AGK: variants seen among roughly 807,000 people sequenced by gnomAD.
AGK encodes the protein acylglycerol kinase, mitochondrial.
A neutral mutation model predicts 66.4 loss-of-function variants in AGK; 52 were observed. The observed-to-expected ratio is 0.78, with a 90% CI of 0.63 to 0.99. AGK has a LOEUF of 0.99. AGK is among the 50% of genes least tolerant of loss of function. The pLI is 0.00. For missense variants in AGK, 451 were observed against 506.6 expected (o/e 0.89, Z 1.05); for synonymous variants, 182 against 181.1 (o/e 1.00, Z -0.04).
intron 9 of AGK, among the ~76,000 whole-genome samples, chr7:141,632,727 T>C (rs1446289340): frequency 6.6e-6 from 1 of 152,270 alleles, no homozygotes; most frequent in Non-Finnish European, 1.5e-5. Flanking sequence ...TCCTTTTTTC[T>C]CTGCCATTTC....
At chr7:141,591,365 T>C (rs920963208) in intron 2 of AGK, among the ~76,000 whole-genome samples, 1 of 152,122 alleles carries the variant, frequency 6.6e-6, no homozygotes, top group African/African-American at 2.4e-5. Context: ...AGTGCTAAGA[T>C]TACAGGTGTG....
At chr7:141,571,384 G>A (rs1045677756) in intron 2 of AGK, among the ~76,000 whole-genome samples, 1 of 152,200 alleles carries the variant, frequency 6.6e-6, no homozygotes, top group Non-Finnish European at 1.5e-5. Context: ...GCCCCATCCA[G>A]AACCTACTGA....
chr7:141,586,507 G>A (rs1032397016), intron 2 of AGK, among the ~76,000 whole-genome samples: 1 of 152,178 alleles, frequency 6.6e-6, no homozygotes, highest in African/African-American at 2.4e-5. Flanking sequence ...CTATCTACGA[G>A]TGTGTGCTGT....
Position 141,614,950 on chromosome 7 carries a change from T to A in AGK, c.424-521T>A, listed in dbSNP as rs549786576. Among the ~76,000 whole-genome samples, 21 of 152,364 alleles carry A rather than the reference T, an allele frequency of 1.4e-4. 1 individual carries two copies. The South Asian group carries it at 4.4e-3, about 32-fold the overall frequency. ...ATTGTGCTCAGAATTGTTTTGAACCTTACAGTATCTATTGTATGTGTGGCA... is the reference window on the plus strand; with the variant it reads ...ATTGTGCTCAGAATTGTTTTGAACCATACAGTATCTATTGTATGTGTGGCA... On this transcript the variant is annotated intron_variant, in intron 7 of 15. Transcript: ENST00000649286.
chr7:141,562,631 G>A (rs1391041814), intron 2 of AGK, among the ~76,000 whole-genome samples: 1 of 152,196 alleles, frequency 6.6e-6, no homozygotes, highest in African/African-American at 2.4e-5. Context: ...CAGGGAAGTA[G>A]GGGATAACTG....
In AGK at chr7:141,613,562, T is replaced by C. The variant is rs1010794829; in HGVS notation, c.391-584T>C. ...TGAACCTGGGAAGCAGAGGTTGCAG[T>C]GAGCCGAGATCATGCCATCGCTCTC... On this transcript the variant is annotated intron_variant, in intron 6 of 15. Transcript: ENST00000649286. Among the ~76,000 whole-genome samples, 127 of 152,188 alleles carry C rather than the reference T, an allele frequency of 8.3e-4. 9 individuals are homozygous for C. The highest frequency in any genetic ancestry group is 1.8e-4 in the Non-Finnish European group (12 of 68,034).
chr7:141,555,188 A>C lies in AGK; in HGVS notation c.-14-265A>C, dbSNP rs1795182363. ...TGCAATGAAGAAATAGTGATCAGAG[A>C]GGGAAGAAGTATAGGTTAGGTGGAA... On this transcript the variant is annotated intron_variant, in intron 1 of 15. Transcript: ENST00000649286. This position sits in a 1 kb window ranked among gnomAD's most constrained non-coding sequence, Gnocchi z 4.2. 6.6e-6 allele frequency among the ~76,000 whole-genome samples: 1 copy of C among 152,090 alleles called. No individual in the cohort carries two copies. The highest frequency in any genetic ancestry group is 2.1e-4 in the South Asian group (1 of 4,832).
At chr7:141,568,524 T>A (rs1795515471) in intron 2 of AGK, among the ~76,000 whole-genome samples, 1 of 152,010 alleles carries the variant, frequency 6.6e-6, no homozygotes, top group Non-Finnish European at 1.5e-5. Flanking sequence ...TGACACCAGT[T>A]CTGCTACCCA....
intron 5 of AGK, among the ~76,000 whole-genome samples, chr7:141,603,560 G>A (rs891861711): frequency 1.3e-5 from 2 of 152,074 alleles, no homozygotes; most frequent in South Asian, 4.1e-4. Flanking sequence ...CATGAAAGCA[G>A]GATATTGTAA....
chr7:141,578,663 T>C (rs934409852), intron 2 of AGK, among the ~76,000 whole-genome samples: 1 of 151,714 alleles, frequency 6.6e-6, no homozygotes, highest in African/African-American at 2.4e-5. Context: ...GATTTTGTAG[T>C]AAGGGGTGAC....
At chr7:141,603,902 C>A (rs1453786024) in intron 5 of AGK, among the ~76,000 whole-genome samples, 1 of 152,086 alleles carries the variant, frequency 6.6e-6, no homozygotes, top group Admixed American at 6.6e-5. Context: ...AATAAGAATA[C>A]TTTTATATTT....
intron 13 of AGK, among the ~76,000 whole-genome samples, chr7:141,647,439 T>A (rs1345862105): frequency 1.2e-4 from 18 of 152,174 alleles, no homozygotes; most frequent in Non-Finnish European, 1.5e-5. Context: ...TCCTTGCTGT[T>A]CCCTGCTGTC....
rs531878541 is a variant in AGK, at chr7:141,553,718, T to C, written c.-14-1735T>C. 2.7e-4 allele frequency among the ~76,000 whole-genome samples: 41 copies of C among 152,306 alleles called. No homozygotes were observed. In the East Asian group the frequency reaches 6.8e-3, roughly 25 times the overall value. Reference sequence around the variant, plus strand: ...AATTAGTTGGGCCTTTGGAATCATGTGTCAGCCTGACGGTGTATGGGATTC... The same window carrying C: ...AATTAGTTGGGCCTTTGGAATCATGCGTCAGCCTGACGGTGTATGGGATTC... On this transcript the variant is annotated intron_variant, in intron 1 of 15. Transcript: ENST00000649286.
rs1562988045 is a variant in AGK at position 141,651,535 on chromosome 7, G to T, written c.1057G>T (p.Val353Leu). ...GDFITIGSRK[V>L]RNPKLHVEGT... is the part of the protein sequence containing the mutation. Reference sequence around the variant, plus strand: ...TTCCTGTGCTCACAGAAGTCGAAAGGTGAGAAACCCCAAGCTGCACGTGGA... The same window carrying T: ...TTCCTGTGCTCACAGAAGTCGAAAGTTGAGAAACCCCAAGCTGCACGTGGA... Residue 353 changes from valine (V) to leucine (L), a missense_variant, in exon 15 of 16, where the codon GTG becomes TTG. By Grantham distance (32) the Val-to-Leu change is conservative. Coordinates refer to ENST00000649286, the MANE Select transcript of AGK (RefSeq NM_018238.4). 1.2e-6 allele frequency: 2 copies of T among 1,614,242 alleles called. No individual in the cohort carries two copies. Among genetic ancestry groups the T allele is most frequent in the Middle Eastern group, 3.3e-4 (2 of 6,062 alleles).
chr7:141,618,960 C>T (rs1796765705), intron 8 of AGK, among the ~76,000 whole-genome samples: 1 of 152,000 alleles, frequency 6.6e-6, no homozygotes, highest in Non-Finnish European at 1.5e-5. Flanking sequence ...TATACCTTTA[C>T]AAAAACATGA....
intron 15 of AGK, 71 bp downstream of exon 15, chr7:141,651,680 C>T (rs895612175): frequency 2.2e-5 from 30 of 1,384,434 alleles, no homozygotes; most frequent in Non-Finnish European, 3.0e-5. Flanking sequence ...CTGTGGTGTC[C>T]CATCCTTCCT....
At chr7:141,572,169 T>C (rs184792851) in intron 2 of AGK, among the ~76,000 whole-genome samples, 2 of 152,238 alleles carry the variant, frequency 1.3e-5, no homozygotes, top group African/African-American at 4.8e-5. Context: ...GTGAAAATTT[T>C]TAAGGGAAGA....
chr7:141,599,966 T>C (rs1796307514), intron 4 of AGK, among the ~76,000 whole-genome samples: 1 of 152,234 alleles, frequency 6.6e-6, no homozygotes, highest in South Asian at 2.1e-4. Flanking sequence ...ATTTGTGTTC[T>C]ATATGCCATT....
intron 6 of AGK, 104 bp downstream of exon 6, chr7:141,611,391 T>G: frequency 1.3e-6 from 1 of 764,984 alleles, no homozygotes; most frequent in Non-Finnish European, 2.0e-6. Flanking sequence ...TTTATTTTAA[T>G]TCATTATTTT....
Sources: allele counts gnomAD v4.1 joint callset (sites outside exome capture counted in the v4.1 genomes callset), GRCh38; gene constraint gnomAD v4.1.1; non-coding constraint Gnocchi (gnomAD v3.1); transcripts MANE v1.5; gene names NCBI Gene and HGNC (gene_info 2026-07-23, HGNC 2026-07-21).